Variants in MMP28 observed in about 807,000 individuals in gnomAD.
The protein encoded by MMP28 is matrix metallopeptidase 28.
MMP28 carries 55 observed loss-of-function variants against 60.5 expected under a neutral mutation model. That is an observed-to-expected ratio of 0.91 (90% CI 0.73 to 1.14). The LOEUF (loss-of-function observed/expected upper bound fraction) is 1.14. Among genes scored for constraint, MMP28 ranks in the 50% most tolerant of loss-of-function variants. The pLI, the probability that MMP28 is intolerant of heterozygous loss-of-function variation, is 0.00. For synonymous variants in MMP28, 318 were observed against 312.5 expected (o/e 1.02, Z -0.18); for missense variants, 686 against 738.3 (o/e 0.93, Z 0.82).
In MMP28 at chr17:35,779,279, T is replaced by C; in HGVS notation, c.156A>G (p.Lys52=). 1.9e-6 allele frequency: 3 copies of C among 1,613,380 alleles called. No individual in the cohort carries two copies. The highest frequency in any genetic ancestry group is 2.5e-6 in the Non-Finnish European group (3 of 1,179,734). Residue 52 remains lysine (K), a synonymous_variant, in exon 2 of 8, where the codon AAA becomes AAG. Transcript: ENST00000605424. Reference sequence around the variant, plus strand: ...CGCTGAATCGAGTGGAGGTGGGAGCTTTGGGGACCTGTTCATTGAGGTATC... The same window carrying C: ...CGCTGAATCGAGTGGAGGTGGGAGCCTTGGGGACCTGTTCATTGAGGTATC... ...KYGYLNEQVP[K]APTSTRFSDA...
downstream of MMP28, among the ~76,000 whole-genome samples, chr17:35,761,988 C>G (rs1420081986): frequency 6.6e-6 from 1 of 152,026 alleles, no homozygotes; most frequent in Non-Finnish European, 1.5e-5. Context: ...CTTTTTCTTT[C>G]TTTCTTTTTT....
intron 4 of MMP28, among the ~76,000 whole-genome samples, chr17:35,770,568 A>C (rs2086101181): frequency 6.6e-6 from 1 of 151,432 alleles, no homozygotes; most frequent in South Asian, 2.1e-4. Context: ...TGGGCCCACC[A>C]ATTTGGGTGC....
intron 3 of MMP28, among the ~76,000 whole-genome samples, chr17:35,776,183 T>A (rs921002584): frequency 5.3e-5 from 8 of 150,668 alleles, no homozygotes; most frequent in Admixed American, 4.0e-4. Context: ...CTTTTTCTTT[T>A]TTTTTTGAGA....
At chr17:35,771,500 A>G (rs2086139571) in intron 4 of MMP28, among the ~76,000 whole-genome samples, 1 of 149,672 alleles carries the variant, frequency 6.7e-6, no homozygotes, top group Non-Finnish European at 1.5e-5. Flanking sequence ...AGTTACCCCT[A>G]AAAGGAGGCA....
In MMP28 at chr17:35,766,103, G is replaced by A; in HGVS notation, c.*397C>T. Reference sequence around the variant, plus strand: ...GAGCCAGGGGGTCCTGAGGAGAAGGGCACAGTCTTGCAAAATGGTCTCGAA... The same window carrying A: ...GAGCCAGGGGGTCCTGAGGAGAAGGACACAGTCTTGCAAAATGGTCTCGAA... On this transcript the variant is annotated 3_prime_UTR_variant, in exon 8 of 8. Transcript: ENST00000605424. This position sits in a 1 kb window ranked among gnomAD's most constrained non-coding sequence, Gnocchi z 4.3. 1.0e-6 allele frequency: 1 copy of A among 1,004,218 alleles called. No homozygotes were observed. The highest frequency in any genetic ancestry group is 1.2e-6 in the Non-Finnish European group (1 of 842,270). The allele number at this position is 1,004,218 out of a possible 1,614,324, so 62.2% of individuals were successfully genotyped here.
At chr17:35,759,869 T>C (rs2085786547) in intron 2 of MMP28, among the ~76,000 whole-genome samples, 1 of 152,020 alleles carries the variant, frequency 6.6e-6, no homozygotes, top group Non-Finnish European at 1.5e-5. Flanking sequence ...GTGCCACGAG[T>C]AATAAAGTCC....
At chr17:35,757,225 A>T (rs1197706860) in intron 2 of MMP28, 1 of 152,196 alleles carries the variant, frequency 6.6e-6, no homozygotes, top group Non-Finnish European at 1.5e-5. Context: ...ATTGTTTTAT[A>T]ACTATACTCC....
chr17:35,764,419 C>A, downstream of MMP28: 2 of 1,527,556 alleles, frequency 1.3e-6, no homozygotes, highest in Admixed American at 2.1e-5. Flanking sequence ...CTGGTCCCCG[C>A]CGGCAGGAAG....
chr17:35,770,319 G>A lies in MMP28; in HGVS notation c.605-7C>T. The stretch of plus-strand genomic sequence containing the variant: ...GCGTGCGCCAGGGCGCCCCCTGCAG[G>A]TGGGGCAGAAGGTCAGGGGGTGCCA... On this transcript the variant is annotated splice_polypyrimidine_tract_variant and splice_region_variant and intron_variant, in intron 4 of 7. Transcript: ENST00000605424. The A allele has an allele frequency of 1.3e-6, 2 of 1,500,540 alleles. No homozygotes were observed. Among genetic ancestry groups the A allele is most frequent in the Non-Finnish European group, 1.8e-6 (2 of 1,133,516 alleles). The allele number at this position is 1,500,540 out of a possible 1,614,324, so 93.0% of individuals were successfully genotyped here.
At position 35,795,459 on chromosome 17, in the gene MMP28, G is replaced by T; in HGVS notation, c.-82C>A. ...GGCAGTCAGCCGCGCCCGGGACCCC[G>T]GGGATGGGACTGCTCTGCGCCGCCC... On this transcript the variant is annotated 5_prime_UTR_variant, in exon 1 of 8. Coordinates refer to ENST00000605424, the MANE Select transcript of MMP28 (RefSeq NM_024302.5). 1 of 1,063,870 alleles carries T rather than the reference G, an allele frequency of 9.4e-7. No individual in the cohort carries two copies. Among genetic ancestry groups the T allele is most frequent in the Non-Finnish European group, 1.3e-6 (1 of 797,944 alleles). The allele number at this position is 1,063,870 out of a possible 1,614,324, so 65.9% of individuals were successfully genotyped here. A position where few individuals can be genotyped will look rare whatever the true frequency, so the allele number is the denominator to read the frequency against.
At chr17:35,776,758 G>A (rs150715227) in intron 3 of MMP28, among the ~76,000 whole-genome samples, 231 of 152,108 alleles carry the variant, frequency 1.5e-3, no homozygotes, top group Non-Finnish European at 2.4e-3. Context: ...GCATGGTGGC[G>A]TGCACCTGTA....
At chr17:35,775,423 C>T (rs1555607367) in intron 3 of MMP28, among the ~76,000 whole-genome samples, 1 of 152,174 alleles carries the variant, frequency 6.6e-6, no homozygotes, top group Non-Finnish European at 1.5e-5. Flanking sequence ...CATTGTACTC[C>T]CTGACACCCT....
At position 35,779,073 on chromosome 17, in the gene MMP28, G is replaced by A. The variant is rs560975119; in HGVS notation, c.194C>T (p.Ala65Val). 3.7e-6 allele frequency: 6 copies of A among 1,613,704 alleles called. No individual in the cohort carries two copies. Among genetic ancestry groups the A allele is most frequent in the South Asian group, 3.3e-5 (3 of 91,052 alleles). Residue 65 changes from alanine to valine, a missense_variant and splice_region_variant, in exon 3 of 8, where the codon GCG becomes GTG. Physicochemically the swap from Ala to Val is moderately conservative, Grantham distance 64 (BLOSUM62 0). Transcript: ENST00000605424. Reference protein sequence around the residue: ...TSTRFSDAIRAFQWVSQLPVS... With the variant: ...TSTRFSDAIRVFQWVSQLPVS... ...AGGTAGCTGGGACACCCACTGAAACGCTCTGTCAGGAGGAAAGGACCGCAA... is the reference window on the plus strand; with the variant it reads ...AGGTAGCTGGGACACCCACTGAAACACTCTGTCAGGAGGAAAGGACCGCAA...
At position 35,766,286 on chromosome 17, in the gene MMP28, G is replaced by T. The variant is rs190059142; in HGVS notation, c.*214C>A. ...TGGGACCCTTTTTTGCTTTTCCTAA[G>T]ATTGATCCCACCCCCACCTCCATGT... On this transcript the variant is annotated 3_prime_UTR_variant, in exon 8 of 8. Coordinates refer to ENST00000605424, the MANE Select transcript of MMP28 (RefSeq NM_024302.5). The surrounding 1 kb of genome is among the most constrained non-coding windows in gnomAD (Gnocchi z 4.3). 5.1e-3 allele frequency: 6,931 copies of T among 1,356,058 alleles called. 24 individuals are homozygous for T. The highest frequency in any genetic ancestry group is 0.012 in the South Asian group (581 of 46,660). The allele number at this position is 1,356,058 out of a possible 1,614,324, so 84.0% of individuals were successfully genotyped here. A position where few individuals can be genotyped will look rare whatever the true frequency, so the allele number is the denominator to read the frequency against.
chr17:35,775,100 G>T (rs141060951), intron 3 of MMP28, among the ~76,000 whole-genome samples: 92 of 152,328 alleles, frequency 6.0e-4, no homozygotes, highest in African/African-American at 1.9e-3. Context: ...AAGGTGACAG[G>T]TCTCAGAATA....
intron 7 of MMP28, among the ~76,000 whole-genome samples, chr17:35,767,520 CT>C (rs550982287): frequency 3.8e-4 from 58 of 152,342 alleles, no homozygotes; most frequent in African/African-American, 1.3e-3. Context: ...CTGCTTCCCT[CT>C]AGACTCCTCT....
At chr17:35,760,183 CA>C (rs1341144412) in intron 2 of MMP28, among the ~76,000 whole-genome samples, 21 of 152,308 alleles carry the variant, frequency 1.4e-4, no homozygotes, top group Admixed American at 1.2e-3. Flanking sequence ...AACTTCATCT[CA>C]ACAGATGGAG....
At chr17:35,791,613 G>A (rs1422659412) in intron 1 of MMP28, among the ~76,000 whole-genome samples, 2 of 152,200 alleles carry the variant, frequency 1.3e-5, no homozygotes, top group African/African-American at 4.8e-5. Context: ...TCATTTCCAA[G>A]CTTTGTTAGA....
intron 5 of MMP28, among the ~76,000 whole-genome samples, chr17:35,769,763 G>C (rs1417801496): frequency 6.6e-6 from 1 of 151,914 alleles, no homozygotes; most frequent in African/African-American, 2.4e-5. Context: ...CGGGAGCTGC[G>C]GGGGCTGGGG....
Sources: gnomAD v4.1 joint callset for allele counts (sites outside exome capture counted in the v4.1 genomes callset) on GRCh38, gnomAD v4.1.1 for gene constraint, Gnocchi (gnomAD v3.1) non-coding constraint, MANE v1.5 for transcripts, NCBI Gene and HGNC (gene_info 2026-07-23, HGNC 2026-07-21) for gene names.